Variants in SLC1A2 observed in about 807,000 individuals in gnomAD.
SLC1A2 encodes the protein solute carrier family 1 member 2, also known as excitatory amino acid transporter 2.
Under a neutral mutation model 48.8 loss-of-function variants are expected in SLC1A2, and 15 were observed. The ratio of observed to expected loss-of-function variants is 0.31; its 90% CI spans 0.21 to 0.47. SLC1A2 has a LOEUF of 0.47. Ranked by LOEUF, SLC1A2 falls within the 20% of genes least tolerant of loss-of-function variation. The probability of loss-of-function intolerance (pLI) is 0.99; values close to 1 mark genes in which losing one functional copy is unlikely to be tolerated. For missense variants in SLC1A2, 502 were observed against 730.5 expected (o/e 0.69, Z 3.61); for synonymous variants, 279 against 272.6 (o/e 1.02, Z -0.23).
chr11:35,307,651 G>A (rs536576674), intron 4 of SLC1A2, among the ~76,000 whole-genome samples: 12 of 152,334 alleles, frequency 7.9e-5, no homozygotes, highest in African/African-American at 1.7e-4. Context: ...CTTGTTGGAC[G>A]TCATGGAGTT....
At position 35,292,312 on chromosome 11, in the gene SLC1A2, T is replaced by C; in HGVS notation, c.1066A>G (p.Ile356Val). The change falls in exon 7 of 11, where the codon ATC (isoleucine) becomes GTC (valine). Residue 356 changes from isoleucine (I) to valine (V), a missense_variant. By Grantham distance (29) the Ile-to-Val change is conservative. This residue lies in a region of SLC1A2 where 309 missense variants were observed against 480.3 expected (regional missense o/e 0.64). Transcript: ENST00000278379. Reference protein sequence around the residue: ...SFFAGIFQAWITALGTASSAG... With the variant: ...SFFAGIFQAWVTALGTASSAG... ...CTGGAAGCGGTGCCCAGGGCAGTGA[T>C]CCAAGCTTGGAAAATGCCAGCAAAA... The C allele has an allele frequency of 1.2e-6, 2 of 1,613,756 alleles. No homozygotes were observed. The highest frequency in any genetic ancestry group is 1.7e-6 in the Non-Finnish European group (2 of 1,179,720).
At chr11:35,321,944 T>C (rs1852085544) in intron 1 of SLC1A2, among the ~76,000 whole-genome samples, 1 of 152,038 alleles carries the variant, frequency 6.6e-6, no homozygotes, top group African/African-American at 2.4e-5. Context: ...ACCATCTGTG[T>C]TTCTGCTTGA....
chr11:35,262,077 C>G (rs1161188425), intron 10 of SLC1A2, among the ~76,000 whole-genome samples: 1 of 152,206 alleles, frequency 6.6e-6, no homozygotes, highest in Non-Finnish European at 1.5e-5. Context: ...CACAGACCAA[C>G]AAGACATAAC....
intron 1 of SLC1A2, among the ~76,000 whole-genome samples, chr11:35,343,834 AC>A (rs1852931510): frequency 6.6e-6 from 1 of 152,028 alleles, no homozygotes. Context: ...ACACAGACAC[AC>A]ACAGGCACAC....
chr11:35,382,910 T>G (rs1246850889), intron 1 of SLC1A2, among the ~76,000 whole-genome samples: 1 of 152,212 alleles, frequency 6.6e-6, no homozygotes, highest in Non-Finnish European at 1.5e-5. Flanking sequence ...AAATGTTTCT[T>G]TTGAATCTGA....
At chr11:35,290,418 C>T (rs935183777) in intron 7 of SLC1A2, among the ~76,000 whole-genome samples, 7 of 151,954 alleles carry the variant, frequency 4.6e-5, no homozygotes, top group African/African-American at 7.3e-5. Flanking sequence ...TTTTATGATA[C>T]GTTGACCAGT....
intron 1 of SLC1A2, among the ~76,000 whole-genome samples, chr11:35,382,029 C>T (rs1037873549): frequency 3.9e-5 from 6 of 152,160 alleles, no homozygotes; most frequent in Non-Finnish European, 7.3e-5. Context: ...CCCACAACAA[C>T]CTTATGAAGC....
At chr11:35,343,151 G>A (rs945378412) in intron 1 of SLC1A2, among the ~76,000 whole-genome samples, 4 of 152,256 alleles carry the variant, frequency 2.6e-5, no homozygotes, top group Admixed American at 2.0e-4. Flanking sequence ...GAGAATAGAA[G>A]CAGTTTCACA....
rs1234811773 is a variant in SLC1A2, at chr11:35,254,809, C to T, written c.*6085G>A. 6 of 455,778 alleles carry T rather than the reference C, an allele frequency of 1.3e-5. No homozygotes were observed. The highest frequency in any genetic ancestry group is 2.6e-5 in the Non-Finnish European group (6 of 226,850). The allele number at this position is 455,778 out of a possible 1,614,324, so 28.2% of individuals were successfully genotyped here. ...GTTTTATTCTCAGCACAAAAGGGCC[C>T]TGTGTAAAAACCAGAAGGATTTTGT... On this transcript the variant is annotated 3_prime_UTR_variant, in exon 11 of 11. Transcript: ENST00000278379.
chr11:35,370,130 G>T (rs1028770285), intron 1 of SLC1A2, among the ~76,000 whole-genome samples: 1 of 152,192 alleles, frequency 6.6e-6, no homozygotes, highest in Non-Finnish European at 1.5e-5. Context: ...TAAACCATCA[G>T]CCAGGCAAGG....
At chr11:35,363,442 T>C (rs1853747054) in intron 1 of SLC1A2, among the ~76,000 whole-genome samples, 1 of 151,926 alleles carries the variant, frequency 6.6e-6, no homozygotes, top group South Asian at 2.1e-4. Flanking sequence ...ACTTACAAAA[T>C]AGGGAGCTCA....
intron 4 of SLC1A2, among the ~76,000 whole-genome samples, chr11:35,309,297 C>A (rs542393490): frequency 9.0e-4 from 137 of 152,292 alleles, no homozygotes; most frequent in African/African-American, 3.1e-3. Flanking sequence ...GTCTCCTCCC[C>A]CCGTGGCATC....
At chr11:35,271,991 C>G (rs1850292861) in intron 9 of SLC1A2, among the ~76,000 whole-genome samples, 1 of 152,010 alleles carries the variant, frequency 6.6e-6, no homozygotes, top group Non-Finnish European at 1.5e-5. Context: ...TATGTATAAT[C>G]AGCTTATTCA....
intron 1 of SLC1A2, among the ~76,000 whole-genome samples, chr11:35,379,858 C>T (rs181775403): frequency 7.0e-4 from 106 of 152,336 alleles, no homozygotes; most frequent in African/African-American, 2.5e-3. Flanking sequence ...AAACAAATGT[C>T]ATCCAGACAT....
chr11:35,373,209 C>T (rs1049838202), intron 1 of SLC1A2, among the ~76,000 whole-genome samples: 2 of 152,190 alleles, frequency 1.3e-5, no homozygotes, highest in African/African-American at 2.4e-5. Context: ...GAGGCAAGGG[C>T]GTGTGAGATG....
In SLC1A2 at chr11:35,287,399, G is replaced by A. The variant is rs567163843; in HGVS notation, c.1092-448C>T. Reference sequence around the variant, plus strand: ...ATTTCATGCTAGAAATGCTGTTTCCGATAAAATGACTGAATGGATTGCATT... The same window carrying A: ...ATTTCATGCTAGAAATGCTGTTTCCAATAAAATGACTGAATGGATTGCATT... On this transcript the variant is annotated intron_variant, in intron 7 of 10. Transcript: ENST00000278379. 5.3e-5 allele frequency among the ~76,000 whole-genome samples: 8 copies of A among 152,178 alleles called. No individual in the cohort carries two copies. In the East Asian group the frequency reaches 7.7e-4, roughly 15 times the overall value.
At chr11:35,359,951 T>G in intron 1 of SLC1A2, 1 of 286,180 alleles carries the variant, frequency 3.5e-6, no homozygotes, top group Non-Finnish European at 5.2e-6. Flanking sequence ...TTTCTGCCTT[T>G]TCATTTCTCC....
upstream of SLC1A2, chr11:35,420,118 G>A: frequency 9.1e-6 from 2 of 219,816 alleles, no homozygotes; most frequent in South Asian, 1.0e-4. Context: ...GGCGGGCGGG[G>A]TGCAGGGGAG....
chr11:35,399,561 C>CA, intron 1 of SLC1A2: 5 of 973,912 alleles, frequency 5.1e-6, no homozygotes, highest in Non-Finnish European at 6.1e-6. Context: ...TAGTTACGAA[C>CA]ATGAGAATCA....
Sources: allele counts gnomAD v4.1 joint callset (sites outside exome capture counted in the v4.1 genomes callset), GRCh38; gene constraint gnomAD v4.1.1; regional missense constraint gnomAD v4.1.1; transcripts MANE v1.5; gene names NCBI Gene and HGNC (gene_info 2026-07-23, HGNC 2026-07-21).